The following DPP6 variants were observed in gnomAD, a reference collection of about 807,000 sequenced individuals.
DPP6 encodes A-type potassium channel modulatory protein DPP6.
Under a neutral mutation model 122.6 loss-of-function variants are expected in DPP6, and 69 were observed. The observed-to-expected ratio is 0.56, with a 90% CI of 0.46 to 0.69. The LOEUF (loss-of-function observed/expected upper bound fraction) is 0.69. Ranked by LOEUF, DPP6 falls within the 30% of genes least tolerant of loss-of-function variation. DPP6 has a pLI of 0.00. For synonymous variants in DPP6, 418 were observed against 433.1 expected (o/e 0.97, Z 0.43); for missense variants, 928 against 1,116.9 (o/e 0.83, Z 2.41).
upstream of DPP6, among the ~76,000 whole-genome samples, chr7:153,886,112 TAC>T (rs60245538): frequency 0.21 from 29,405 of 140,152 alleles, 3,322 homozygotes; most frequent in East Asian, 0.44. Context: ...GGCACGCCCT[TAC>T]ACACACACAC....
intron 10 of DPP6, among the ~76,000 whole-genome samples, chr7:154,779,311 C>A (rs1479540683): frequency 6.7e-6 from 1 of 150,272 alleles, no homozygotes; most frequent in African/African-American, 2.4e-5. Flanking sequence ...CCACCACCCC[C>A]ACCATCGCCT....
intron 5 of DPP6, among the ~76,000 whole-genome samples, chr7:154,567,986 C>G (rs1288460970): frequency 6.6e-6 from 1 of 152,152 alleles, no homozygotes; most frequent in Non-Finnish European, 1.5e-5. Flanking sequence ...CTGTTTCAGT[C>G]TTCCATTTTT....
the DPP6 span, among the ~76,000 whole-genome samples, chr7:153,781,916 T>C: frequency 1.3e-5 from 2 of 149,806 alleles, no homozygotes; most frequent in Admixed American, 1.3e-4. Flanking sequence ...TTATTAACTA[T>C]TTTAAATTTA....
At chr7:154,019,529 C>G (rs1798599548) in intron 1 of DPP6, among the ~76,000 whole-genome samples, 1 of 151,854 alleles carries the variant, frequency 6.6e-6, no homozygotes, top group South Asian at 2.1e-4. Flanking sequence ...ACACCAGGCT[C>G]CATATTTAAT....
At chr7:154,129,098 C>G (rs1808173626) in intron 1 of DPP6, among the ~76,000 whole-genome samples, 1 of 152,030 alleles carries the variant, frequency 6.6e-6, no homozygotes, top group African/African-American at 2.4e-5. Context: ...GAAGTTCTTT[C>G]TACCCACATG....
chr7:154,446,315 A>C lies in DPP6; in HGVS notation c.345A>C (p.Ile115=). The C allele has an allele frequency of 6.2e-7, 1 of 1,611,754 alleles. No individual in the cohort carries two copies. Residue 115 remains isoleucine, a synonymous_variant, in exon 2 of 26, where the codon ATA becomes ATC. Transcript: ENST00000377770. ...VICSLIVTSV[I]LLTPAEDNSL... ...GCTCCTTGATCGTCACCTCGGTCAT[A>C]CTTCTGACACCAGGTACTGTATTCA...
intron 1 of DPP6, among the ~76,000 whole-genome samples, chr7:154,080,254 A>G (rs1404852812): frequency 6.6e-6 from 1 of 152,100 alleles, no homozygotes; most frequent in Admixed American, 6.6e-5. Context: ...GGAGCTTGGG[A>G]GAAGATTGGC....
intron 1 of DPP6, among the ~76,000 whole-genome samples, chr7:154,240,265 C>G (rs1028751607): frequency 6.6e-6 from 1 of 152,064 alleles, no homozygotes; most frequent in Non-Finnish European, 1.5e-5. Flanking sequence ...TAAGATACTG[C>G]CAGCGTAGAT....
intron 16 of DPP6, among the ~76,000 whole-genome samples, chr7:154,842,737 G>C (rs1248369332): frequency 6.6e-6 from 1 of 152,196 alleles, no homozygotes; most frequent in Non-Finnish European, 1.5e-5. Context: ...AGCCAAAATA[G>C]TGTGTGTCAC....
At chr7:154,391,063 T>G (rs1814573104) in intron 1 of DPP6, among the ~76,000 whole-genome samples, 1 of 152,158 alleles carries the variant, frequency 6.6e-6, no homozygotes, top group Non-Finnish European at 1.5e-5. Flanking sequence ...GTGATGTGCA[T>G]AAAGCTGTCA....
chr7:154,131,365 C>A (rs1795274308), intron 1 of DPP6, among the ~76,000 whole-genome samples: 1 of 152,198 alleles, frequency 6.6e-6, no homozygotes, highest in Admixed American at 6.5e-5. Flanking sequence ...GTTGGGAAAA[C>A]TGAACTGGAT....
intron 1 of DPP6, among the ~76,000 whole-genome samples, chr7:154,264,605 A>G (rs1278725204): frequency 2.0e-5 from 3 of 152,150 alleles, no homozygotes; most frequent in African/African-American, 7.2e-5. Flanking sequence ...GGTATCTGTG[A>G]TGATGATGGT....
intron 1 of DPP6, among the ~76,000 whole-genome samples, chr7:154,089,307 C>A (rs1318027302): frequency 1.4e-5 from 2 of 147,444 alleles, no homozygotes; most frequent in Non-Finnish European, 3.0e-5. Context: ...AGACTGCTGT[C>A]CAATTATTGC....
intron 18 of DPP6, among the ~76,000 whole-genome samples, chr7:154,869,547 C>T (rs1442272629): frequency 2.6e-5 from 4 of 152,170 alleles, no homozygotes; most frequent in Non-Finnish European, 5.9e-5. Context: ...AAGAGGGCAA[C>T]GTGAGGGGTC....
intron 8 of DPP6, among the ~76,000 whole-genome samples, chr7:154,749,899 G>A (rs1264162752): frequency 3.0e-5 from 4 of 132,764 alleles, no homozygotes; most frequent in Admixed American, 3.0e-4. Context: ...GCATAGGATG[G>A]GAAAGAGAGG....
At chr7:153,798,411 A>G in the DPP6 span, among the ~76,000 whole-genome samples, 2 of 152,218 alleles carry the variant, frequency 1.3e-5, no homozygotes, top group Non-Finnish European at 2.9e-5. Context: ...TTCTTGTCCC[A>G]CTGCCCAGTC....
At chr7:154,004,026 T>C (rs938332089) in intron 1 of DPP6, among the ~76,000 whole-genome samples, 12 of 152,148 alleles carry the variant, frequency 7.9e-5, no homozygotes, top group African/African-American at 2.9e-4. Context: ...CATGCTTAGA[T>C]TACTCTTAAG....
At chr7:153,887,771 G>T in intron 1 of DPP6, 2 of 1,605,516 alleles carry the variant, frequency 1.2e-6, no homozygotes, top group Middle Eastern at 1.7e-4. Flanking sequence ...TGGGTCGGGG[G>T]GACCCACCGT....
intron 1 of DPP6, among the ~76,000 whole-genome samples, chr7:154,209,192 T>G (rs1799609151): frequency 6.6e-6 from 1 of 152,088 alleles, no homozygotes; most frequent in African/African-American, 2.4e-5. Flanking sequence ...TAGACTTCCC[T>G]TAGATGCAAA....
Sources: allele counts gnomAD v4.1 joint callset (sites outside exome capture counted in the v4.1 genomes callset), GRCh38; gene constraint gnomAD v4.1.1; transcripts MANE v1.5; gene names NCBI Gene and HGNC (gene_info 2026-07-23, HGNC 2026-07-21).